The following LZTS1 variants were observed in gnomAD, a reference collection of about 807,000 sequenced individuals.
The protein encoded by LZTS1 is leucine zipper tumor suppressor 1.
In LZTS1, 31 loss-of-function variants were observed where a neutral mutation model predicts 45.8. The observed-to-expected ratio is 0.68, with a 90% confidence interval of 0.51 to 0.91. The LOEUF is 0.91. Among genes scored for constraint, LZTS1 ranks in the 40% least tolerant of loss-of-function variants. The pLI is 0.00. For missense variants in LZTS1, 821 were observed against 788.9 expected (o/e 1.04, Z -0.49); for synonymous variants, 359 against 357.3 (o/e 1.00, Z -0.05).
At chr8:20,289,949 G>A (rs1158982590) in intron 1 of LZTS1, 1 of 152,288 alleles carries the variant, frequency 6.6e-6, no homozygotes, top group Admixed American at 6.5e-5. Flanking sequence ...AGGGAGGGCC[G>A]AGACTGCCTG....
chr8:20,273,766 C>G (rs62499973), intron 1 of LZTS1, among the ~76,000 whole-genome samples: 27,769 of 136,250 alleles, frequency 0.2, 2,721 homozygotes, highest in Middle Eastern at 0.33. Context: ...AATTAATAGA[C>G]CTGTTATATT....
chr8:20,291,333 G>A (rs901612571), intron 1 of LZTS1, among the ~76,000 whole-genome samples: 14 of 152,118 alleles, frequency 9.2e-5, no homozygotes, highest in African/African-American at 3.4e-4. Context: ...CTGGACACCT[G>A]CCTCTACCAA....
chr8:20,294,855 A>G (rs893239883), intron 1 of LZTS1, among the ~76,000 whole-genome samples: 1 of 151,978 alleles, frequency 6.6e-6, no homozygotes, highest in Non-Finnish European at 1.5e-5. Flanking sequence ...GACACCAGGC[A>G]TGGGGCTGCC....
intron 1 of LZTS1, among the ~76,000 whole-genome samples, chr8:20,263,671 A>G (rs1800291778): frequency 6.6e-6 from 1 of 152,048 alleles, no homozygotes; most frequent in Non-Finnish European, 1.5e-5. Flanking sequence ...CACAGACTCC[A>G]GCCTGCAGCC....
At chr8:20,298,699 C>A (rs1430404370) in intron 1 of LZTS1, among the ~76,000 whole-genome samples, 5 of 152,090 alleles carry the variant, frequency 3.3e-5, no homozygotes, top group African/African-American at 1.2e-4. Flanking sequence ...CTTATTTCTA[C>A]AAAAATTAAA....
rs941789928 is a variant in LZTS1, at chr8:20,250,052, G to A, written c.1461C>T (p.Asp487=). The part of the protein sequence containing the change: ...ELRAQAALAR[D]MGPPTFPEDV... ...CCTCGGGGAAGGTGGGCGGCCCCAT[G>A]TCGCGGGCCAGGGCGGCCTGGGCCC... The change falls in exon 4 of 4, where the codon GAC becomes GAT. Residue 487 remains aspartate (D), a synonymous_variant. Coordinates refer to ENST00000381569, the MANE Select transcript of LZTS1 (RefSeq NM_021020.5). The A allele has an allele frequency of 1.2e-5, 20 of 1,608,424 alleles. No individual in the cohort carries two copies. Among genetic ancestry groups the A allele is most frequent in the African/African-American group, 4.0e-5 (3 of 74,874 alleles).
In LZTS1 at chr8:20,249,973, C is replaced by T. The variant is rs779910912; in HGVS notation, c.1540G>A (p.Glu514Lys). 1.9e-6 allele frequency: 3 copies of T among 1,613,946 alleles called. No homozygotes were observed. Among genetic ancestry groups the T allele is most frequent in the Non-Finnish European group, 2.5e-6 (3 of 1,179,898 alleles). The change falls in exon 4 of 4, where the codon GAG (glutamate) becomes AAG (lysine). Residue 514 changes from glutamate (E) to lysine (K), a missense_variant. Transcript: ENST00000381569. Reference protein sequence around the residue: ...LERLRAELREERQGHDQMSSG... With the variant: ...LERLRAELREKRQGHDQMSSG... Reference sequence around the variant, plus strand: ...GACATCTGGTCATGGCCTTGCCGCTCCTCCCGCAGCTCGGCCCGCAGCCGC... The same window carrying T: ...GACATCTGGTCATGGCCTTGCCGCTTCTCCCGCAGCTCGGCCCGCAGCCGC...
rs76336775 is a variant in LZTS1, at chr8:20,301,907, A to G, written c.-135+1833T>C. Among the ~76,000 whole-genome samples the G allele has an allele frequency of 3.9e-3, 591 of 152,218 alleles. 9 individuals carry two copies. The highest frequency in any genetic ancestry group is 0.014 in the African/African-American group (566 of 41,540). ...CAGCCGCTGCTATAAATGTTAACTA[A>G]CAACCATCTTCAGCACATCAAATGT... is the stretch of plus-strand genomic sequence containing the variant. On this transcript the variant is annotated intron_variant, in intron 1 of 3. Transcript: ENST00000381569.
intron 1 of LZTS1, among the ~76,000 whole-genome samples, chr8:20,276,288 G>T (rs1429960590): frequency 6.7e-6 from 1 of 148,524 alleles, no homozygotes; most frequent in Non-Finnish European, 1.5e-5. Flanking sequence ...TTCAGAATAG[G>T]GCAGGTCACC....
intron 1 of LZTS1, among the ~76,000 whole-genome samples, chr8:20,292,331 A>G (rs1183856117): frequency 6.6e-6 from 1 of 152,160 alleles, no homozygotes; most frequent in Admixed American, 6.5e-5. Flanking sequence ...ATCTCTCCCT[A>G]TGTAGTGTCG....
chr8:20,252,832 C>T lies in LZTS1; in HGVS notation c.1099G>A (p.Glu367Lys), dbSNP rs756199119. The change falls in exon 3 of 4, where the codon GAG becomes AAG. Residue 367 changes from glutamate (E) to lysine (K), a missense_variant. Coordinates refer to ENST00000381569, the MANE Select transcript of LZTS1 (RefSeq NM_021020.5). ...DLLETKLRSY[E>K]REKTSFGPAL... ...GGGCCGAAGCTGGTCTTCTCCCTCTCGTAGGACCTGAGCTTGGTCTCCAGC... is the reference window on the plus strand; with the variant it reads ...GGGCCGAAGCTGGTCTTCTCCCTCTTGTAGGACCTGAGCTTGGTCTCCAGC... The T allele has an allele frequency of 3.1e-5, 48 of 1,563,872 alleles. No homozygotes were observed. The Middle Eastern group carries it at 5.3e-4, about 17-fold the overall frequency.
intron 1 of LZTS1, among the ~76,000 whole-genome samples, chr8:20,296,233 G>A (rs74485738): frequency 0.038 from 5,768 of 152,298 alleles, 404 homozygotes; most frequent in African/African-American, 0.13. Flanking sequence ...TGCCTTGGGC[G>A]GGGATGGCCT....
chr8:20,274,689 TTG>T (rs1338577506), intron 1 of LZTS1, among the ~76,000 whole-genome samples: 1 of 152,186 alleles, frequency 6.6e-6, no homozygotes, highest in Non-Finnish European at 1.5e-5. Flanking sequence ...AAGCTCCACT[TTG>T]TGAAAATAAT....
At chr8:20,295,875 C>G (rs1044759588) in intron 1 of LZTS1, among the ~76,000 whole-genome samples, 28 of 152,192 alleles carry the variant, frequency 1.8e-4, no homozygotes, top group African/African-American at 5.8e-4. Flanking sequence ...TCCAGTGTCA[C>G]TGGGGTCACC....
rs941643594 is a variant in LZTS1, at chr8:20,272,667, A to C, written c.-134-17352T>G. Among the ~76,000 whole-genome samples the C allele has an allele frequency of 3.3e-5, 5 of 152,282 alleles. No individual in the cohort carries two copies. The East Asian group carries it at 7.7e-4, about 24-fold the overall frequency. ...GCAGACAACTTCATCTCTATAATACAGAGATAAGTAGAATCATTGGGAGGA... is the reference window on the plus strand; with the variant it reads ...GCAGACAACTTCATCTCTATAATACCGAGATAAGTAGAATCATTGGGAGGA... On this transcript the variant is annotated intron_variant, in intron 1 of 3. Coordinates refer to ENST00000381569, the MANE Select transcript of LZTS1 (RefSeq NM_021020.5).
At chr8:20,263,280 G>GGA (rs1563870410) in intron 1 of LZTS1, among the ~76,000 whole-genome samples, 98 of 152,048 alleles carry the variant, frequency 6.4e-4, no homozygotes, top group African/African-American at 2.3e-3. Context: ...GCAGAGCCTC[G>GGA]AGGCCCCTCT....
At position 20,292,537 on chromosome 8, in the gene LZTS1, C is replaced by T. The variant is rs145991700; in HGVS notation, c.-135+11203G>A. The stretch of plus-strand genomic sequence containing the variant: ...AGGACAGAAAAGGCAGAGGAACAGA[C>T]GGAAATAAGATGCCTCAAGCACTCA... On this transcript the variant is annotated intron_variant, in intron 1 of 3. Transcript: ENST00000381569. Among the ~76,000 whole-genome samples the T allele has an allele frequency of 3.0e-3, 462 of 152,238 alleles. 2 individuals are homozygous for T. The highest frequency in any genetic ancestry group is 9.8e-3 in the African/African-American group (407 of 41,550).
intron 1 of LZTS1, among the ~76,000 whole-genome samples, chr8:20,274,961 CTG>C (rs34482608): frequency 0.31 from 38,610 of 125,634 alleles, 5,555 homozygotes; most frequent in East Asian, 0.61. Flanking sequence ...TGCCATGATA[CTG>C]TGTGTGTGTG....
intron 1 of LZTS1, among the ~76,000 whole-genome samples, chr8:20,256,140 G>A (rs1404523801): frequency 6.6e-6 from 1 of 151,870 alleles, no homozygotes; most frequent in Non-Finnish European, 1.5e-5. Flanking sequence ...GGGGGAGAGG[G>A]GTACCAGAAG....
Sources: allele counts gnomAD v4.1 joint callset (sites outside exome capture counted in the v4.1 genomes callset), GRCh38; gene constraint gnomAD v4.1.1; transcripts MANE v1.5; gene names NCBI Gene and HGNC (gene_info 2026-07-23, HGNC 2026-07-21).